The following CTNNA3 variants were observed in gnomAD, a reference collection of about 807,000 sequenced individuals.
CTNNA3 encodes catenin alpha 3.
CTNNA3 carries 76 observed loss-of-function variants against 95.7 expected under a neutral mutation model. The ratio of observed to expected loss-of-function variants is 0.79; its 90% CI spans 0.66 to 0.96. CTNNA3 has a LOEUF of 0.96. Among genes scored for constraint, CTNNA3 ranks in the 40% least tolerant of loss-of-function variants. The pLI, the probability that CTNNA3 is intolerant of heterozygous loss-of-function variation, is 0.00. For synonymous variants in CTNNA3, 431 were observed against 374.4 expected (o/e 1.15, Z -1.74); for missense variants, 1,191 against 1,089.8 (o/e 1.09, Z -1.31).
At chr10:67,680,235 G>GTC (rs1840602341) in intron 1 of CTNNA3, among the ~76,000 whole-genome samples, 1 of 152,178 alleles carries the variant, frequency 6.6e-6, no homozygotes, top group African/African-American at 2.4e-5. Context: ...GGTCCAGGGG[G>GTC]TCTCAAGCAG....
rs1463878672 is a variant in CTNNA3 at position 67,334,496 on chromosome 10, T to C, written c.580-114626A>G. ...TCCCACTAAGATAACACCTGTCCTT[T>C]GAGCAAGGGTTAACACTGTCACCAC... On this transcript the variant is annotated intron_variant, in intron 5 of 17. Coordinates refer to ENST00000433211, the MANE Select transcript of CTNNA3 (RefSeq NM_013266.4). 4 of 153,044 alleles carry C rather than the reference T, an allele frequency of 2.6e-5. No homozygotes were observed. The Admixed American group carries it at 2.6e-4, about 10-fold the overall frequency. 9.5% of individuals were successfully genotyped at this position (153,044 alleles called of 1,614,324 possible).
chr10:67,315,965 TAATA>T (rs1054662897), intron 5 of CTNNA3, among the ~76,000 whole-genome samples: 1 of 152,154 alleles, frequency 6.6e-6, no homozygotes, highest in African/African-American at 2.4e-5. Flanking sequence ...AATTGACTCC[TAATA>T]AATAGTCGTA....
intron 11 of CTNNA3, among the ~76,000 whole-genome samples, chr10:66,494,595 G>C (rs1016010722): frequency 3.2e-4 from 48 of 150,602 alleles, no homozygotes; most frequent in African/African-American, 1.2e-3. Flanking sequence ...AAACTCTTAA[G>C]ACTGGTAGCA....
At chr10:66,137,831 T>A (rs951070497) in intron 13 of CTNNA3, among the ~76,000 whole-genome samples, 9 of 152,028 alleles carry the variant, frequency 5.9e-5, no homozygotes, top group African/African-American at 1.9e-4. Context: ...GTCCCTGTGG[T>A]CCCAGCTACT....
At chr10:66,963,162 A>G (rs1399034545) in intron 7 of CTNNA3, among the ~76,000 whole-genome samples, 1 of 152,212 alleles carries the variant, frequency 6.6e-6, no homozygotes, top group Non-Finnish European at 1.5e-5. Context: ...AGTATTTGCT[A>G]TAGAAATACT....
chr10:66,214,405 A>C lies in CTNNA3; in HGVS notation c.1884+66065T>G, dbSNP rs149575144. On this transcript the variant is annotated intron_variant, in intron 13 of 17. Coordinates refer to ENST00000433211, the MANE Select transcript of CTNNA3 (RefSeq NM_013266.4). ...TAAGGACAAAAAATTTTAGTTAAGT[A>C]TATTTTACTATGTTATTTGTGATTG... Among the ~76,000 whole-genome samples the C allele has an allele frequency of 2.2e-3, 342 of 152,266 alleles. 19 individuals carry two copies. The East Asian group carries it at 0.049, about 22-fold the overall frequency.
chr10:66,898,091 C>T (rs1047235576), intron 7 of CTNNA3, among the ~76,000 whole-genome samples: 3 of 152,138 alleles, frequency 2.0e-5, no homozygotes, highest in Admixed American at 2.0e-4. Flanking sequence ...ATAAACTGAA[C>T]ATCATAAGGA....
intron 5 of CTNNA3, among the ~76,000 whole-genome samples, chr10:67,458,856 A>G (rs1042508388): frequency 6.6e-6 from 1 of 152,038 alleles, no homozygotes; most frequent in African/African-American, 2.4e-5. Flanking sequence ...GGGGATTACA[A>G]TTCAAGATGA....
chr10:67,459,771 T>C (rs1847308634), intron 5 of CTNNA3, among the ~76,000 whole-genome samples: 1 of 152,174 alleles, frequency 6.6e-6, no homozygotes, highest in African/African-American at 2.4e-5. Context: ...TAGCAAAGAT[T>C]AAATGCCTTA....
chr10:66,722,820 G>A (rs1489125659), intron 9 of CTNNA3, among the ~76,000 whole-genome samples: 2 of 152,008 alleles, frequency 1.3e-5, no homozygotes, highest in African/African-American at 4.8e-5. Context: ...TCCTGGGGTT[G>A]TGGCGGGGGT....
intron 7 of CTNNA3, among the ~76,000 whole-genome samples, chr10:66,811,072 A>G (rs1158271637): frequency 6.6e-6 from 1 of 152,202 alleles, no homozygotes; most frequent in Non-Finnish European, 1.5e-5. Context: ...TTTGCAAGTT[A>G]AAAACTAAAG....
chr10:66,984,273 A>C (rs984773131), intron 7 of CTNNA3, among the ~76,000 whole-genome samples: 1 of 152,234 alleles, frequency 6.6e-6, no homozygotes, highest in Non-Finnish European at 1.5e-5. Context: ...CCAGAAATCC[A>C]GAAGATAGTT....
chr10:66,262,169 G>A (rs1589884866), intron 13 of CTNNA3, among the ~76,000 whole-genome samples: 1 of 152,024 alleles, frequency 6.6e-6, no homozygotes, highest in African/African-American at 2.4e-5. Context: ...TAGCTACGTG[G>A]ATATAGGTAA....
At chr10:66,362,711 C>T (rs1589142789) in intron 12 of CTNNA3, among the ~76,000 whole-genome samples, 1 of 151,654 alleles carries the variant, frequency 6.6e-6, no homozygotes, top group East Asian at 2.0e-4. Context: ...AGACTACTTC[C>T]CCCTGCCGAC....
chr10:67,734,843 A>T (rs1841293411), intron 1 of CTNNA3, among the ~76,000 whole-genome samples: 1 of 152,200 alleles, frequency 6.6e-6, no homozygotes, highest in South Asian at 2.1e-4. Flanking sequence ...ATTATAAATA[A>T]TCTAAATGTC....
In CTNNA3 at chr10:67,480,955, T is replaced by C. The variant is rs576552393; in HGVS notation, c.579+40887A>G. 2.0e-5 allele frequency among the ~76,000 whole-genome samples: 3 copies of C among 152,296 alleles called. No homozygotes were observed. In the East Asian group the frequency reaches 5.8e-4, roughly 29 times the overall value. ...CTAGGGACGCAACGTTGGTTCAACA[T>C]ACACAAAAAAATAAAACTAGGCCTA... is the stretch of plus-strand genomic sequence containing the variant. On this transcript the variant is annotated intron_variant, in intron 5 of 17. Coordinates refer to ENST00000433211, the MANE Select transcript of CTNNA3 (RefSeq NM_013266.4).
rs1024748141 is a variant in CTNNA3 at position 66,246,746 on chromosome 10, C to T, written c.1884+33724G>A. On this transcript the variant is annotated intron_variant, in intron 13 of 17. Coordinates refer to ENST00000433211, the MANE Select transcript of CTNNA3 (RefSeq NM_013266.4). ...ATAGTCTCCTAATAGCAGAATTGAT[C>T]AAGCAGAAGAATTAGTGAGTTTTGG... 4.0e-5 allele frequency among the ~76,000 whole-genome samples: 6 copies of T among 151,620 alleles called. No homozygotes were observed. In the East Asian group the frequency reaches 7.8e-4, roughly 20 times the overall value.
intron 13 of CTNNA3, among the ~76,000 whole-genome samples, chr10:66,213,476 G>T (rs1270921288): frequency 6.6e-6 from 1 of 152,028 alleles, no homozygotes; most frequent in Non-Finnish European, 1.5e-5. Context: ...TTAGAACATT[G>T]TACTAGTACT....
chr10:65,973,570 TA>T (rs915669576), intron 16 of CTNNA3, among the ~76,000 whole-genome samples: 2 of 152,100 alleles, frequency 1.3e-5, no homozygotes, highest in Admixed American at 1.3e-4. Flanking sequence ...TACAAAAAAA[TA>T]CTTCAGACTG....
Sources: allele counts gnomAD v4.1 joint callset (sites outside exome capture counted in the v4.1 genomes callset), GRCh38; gene constraint gnomAD v4.1.1; transcripts MANE v1.5; gene names NCBI Gene and HGNC (gene_info 2026-07-23, HGNC 2026-07-21).